ABCG1: variants seen among roughly 807,000 people sequenced by gnomAD.
ABCG1 encodes ATP-binding cassette sub-family G member 1.
Under a neutral mutation model 69.2 loss-of-function variants are expected in ABCG1, and 29 were observed. The ratio of observed to expected loss-of-function variants is 0.42; its 90% CI spans 0.31 to 0.57. The LOEUF is 0.57. ABCG1 is among the 20% of genes least tolerant of loss of function. The probability of loss-of-function intolerance (pLI) is 0.15; values close to 1 mark genes in which losing one functional copy is unlikely to be tolerated. For synonymous variants in ABCG1, 370 were observed against 374.8 expected (o/e 0.99, Z 0.15); for missense variants, 718 against 898.1 (o/e 0.80, Z 2.56).
chr21:42,203,093 G>A (rs1205817220), intron 2 of ABCG1, among the ~76,000 whole-genome samples: 2 of 151,992 alleles, frequency 1.3e-5, no homozygotes, highest in South Asian at 2.1e-4. Context: ...GTATCCACGG[G>A]CAGAAAAAAA....
chr21:42,235,552 T>G (rs143969300), intron 2 of ABCG1, among the ~76,000 whole-genome samples: 1 of 152,328 alleles, frequency 6.6e-6, no homozygotes, highest in Non-Finnish European at 1.5e-5. Context: ...GATCAATATT[T>G]AAGATGTACA....
chr21:42,285,565 A>G (rs1171659052), intron 7 of ABCG1, among the ~76,000 whole-genome samples: 1 of 152,234 alleles, frequency 6.6e-6, no homozygotes, highest in Non-Finnish European at 1.5e-5. Flanking sequence ...TCTAAGCAAA[A>G]ATAGTCACAA....
At chr21:42,230,004 CCAGAA>C (rs2067877917) in intron 2 of ABCG1, among the ~76,000 whole-genome samples, 1 of 152,174 alleles carries the variant, frequency 6.6e-6, no homozygotes, top group Non-Finnish European at 1.5e-5. Flanking sequence ...AGCATTGTGA[CCAGAA>C]TAACTTTATG....
chr21:42,291,691 C>A lies in ABCG1; in HGVS notation c.1653+35C>A. 6.4e-7 allele frequency: 1 copy of A among 1,559,886 alleles called. No individual in the cohort carries two copies. The highest frequency in any genetic ancestry group is 8.6e-7 in the Non-Finnish European group (1 of 1,158,318). ...CAGGAGGCGCTAAGTGAGGGCATGA[C>A]GGCTGGGCTTCCCTGAGCTACCTTG... On this transcript the variant is annotated intron_variant, in intron 13 of 14. Transcript: ENST00000398449. This position sits in a 1 kb window ranked among gnomAD's most constrained non-coding sequence, Gnocchi z 6.4.
At chr21:42,293,811 GCA>G (rs997038663) in intron 13 of ABCG1, among the ~76,000 whole-genome samples, 51 of 143,050 alleles carry the variant, frequency 3.6e-4, no homozygotes, top group African/African-American at 1.3e-3. Flanking sequence ...TACATGCTAT[GCA>G]CACACACCAC....
chr21:42,228,426 C>T (rs2067852009), intron 2 of ABCG1, among the ~76,000 whole-genome samples: 1 of 152,212 alleles, frequency 6.6e-6, no homozygotes, highest in African/African-American at 2.4e-5. Context: ...TGTCTTCCCT[C>T]TCCCTGCTCC....
rs539800147 is a variant in ABCG1, at chr21:42,233,089, A to G, written c.286+7175A>G. 4.1e-4 allele frequency among the ~76,000 whole-genome samples: 62 copies of G among 152,292 alleles called. No homozygotes were observed. The South Asian group carries it at 0.013, about 31-fold the overall frequency. ...CTGTTTTTGCTCACATTGTGAAAAA[A>G]CGCAAAAAGATGGGTTTTCAGTCAT... On this transcript the variant is annotated intron_variant, in intron 2 of 14. Coordinates refer to ENST00000398449, the MANE Select transcript of ABCG1 (RefSeq NM_016818.3).
intron 3 of ABCG1, 37 bp downstream of exon 3, chr21:42,271,224 G>A (rs755457802): frequency 1.5e-5 from 21 of 1,380,006 alleles, no homozygotes; most frequent in Middle Eastern, 1.8e-4. Flanking sequence ...GTTCTCTCCC[G>A]GGTGTCAGGC....
chr21:42,285,797 T>C, intron 7 of ABCG1, 83 bp from the exon 8 acceptor site: 1 of 907,176 alleles, frequency 1.1e-6, no homozygotes, highest in Non-Finnish European at 1.8e-6. Context: ...GGTTGATTGA[T>C]TGGTTGATTG....
chr21:42,225,294 C>A (rs1275851186), intron 1 of ABCG1, among the ~76,000 whole-genome samples: 1 of 152,076 alleles, frequency 6.6e-6, no homozygotes, highest in Non-Finnish European at 1.5e-5. Context: ...TTCTTAGGCA[C>A]CTGGTGTGTC....
intron 2 of ABCG1, among the ~76,000 whole-genome samples, chr21:42,259,685 C>T (rs1280676464): frequency 6.6e-6 from 1 of 152,214 alleles, no homozygotes; most frequent in Non-Finnish European, 1.5e-5. Flanking sequence ...GGCATTCGCA[C>T]GTGCATGTAA....
chr21:42,230,975 G>A lies in ABCG1; in HGVS notation c.286+5061G>A, dbSNP rs189968678. ...AGCGTAGCAAGTGCTTAGCTCTGAC[G>A]TGGGCACAGGACTGGACCACCAAGG... On this transcript the variant is annotated intron_variant, in intron 2 of 14. Transcript: ENST00000398449. Among the ~76,000 whole-genome samples, 40 of 152,354 alleles carry A rather than the reference G, an allele frequency of 2.6e-4. 1 individual carries two copies. In the East Asian group the frequency reaches 3.5e-3, roughly 13 times the overall value.
rs2069202469 is a variant in ABCG1, at chr21:42,296,063, C to A, written c.1773-101C>A. ...GCGGCCCTTTGGGAAGGGAGGATAG[C>A]CAAGCTGGGAATCGCAGGGAGGGTG... On this transcript the variant is annotated intron_variant, in intron 14 of 14. Coordinates refer to ENST00000398449, the MANE Select transcript of ABCG1 (RefSeq NM_016818.3). The surrounding 1 kb of genome is among the most constrained non-coding windows in gnomAD (Gnocchi z 5.4). 1.0e-6 allele frequency: 1 copy of A among 997,388 alleles called. No homozygotes were observed. The allele number at this position is 997,388 out of a possible 1,614,324, so 61.8% of individuals were successfully genotyped here.
chr21:42,279,120 G>A (rs225406), intron 5 of ABCG1, among the ~76,000 whole-genome samples: 18,636 of 151,882 alleles, frequency 0.12, 1,421 homozygotes, highest in African/African-American at 0.2. Context: ...TCTTTGTCTC[G>A]GATAGCCCTC....
At chr21:42,215,476 G>A (rs78158063), upstream of ABCG1, among the ~76,000 whole-genome samples, 2,710 of 152,336 alleles carry the variant, frequency 0.018, 79 homozygotes, top group African/African-American at 0.061. Flanking sequence ...GACTCCACTC[G>A]AAGTCAACTG....
At chr21:42,253,423 T>C (rs2068254732) in intron 2 of ABCG1, among the ~76,000 whole-genome samples, 1 of 152,238 alleles carries the variant, frequency 6.6e-6, no homozygotes, top group Non-Finnish European at 1.5e-5. Context: ...CATTCCATCA[T>C]GTGGGTTCTG....
rs544855398 is a variant in ABCG1 at position 42,293,791 on chromosome 21, C to T, written c.1654-751C>T. Among the ~76,000 whole-genome samples, 190 of 151,718 alleles carry T rather than the reference C, an allele frequency of 1.3e-3. 1 individual carries two copies. The highest frequency in any genetic ancestry group is 4.3e-3 in the African/African-American group (178 of 41,346). ...ATACCACACCCTACACACAAACACACACTACACACTACATGCTATGCACAC... is the reference window on the plus strand; with the variant it reads ...ATACCACACCCTACACACAAACACATACTACACACTACATGCTATGCACAC... On this transcript the variant is annotated intron_variant, in intron 13 of 14. Coordinates refer to ENST00000398449, the MANE Select transcript of ABCG1 (RefSeq NM_016818.3).
intron 2 of ABCG1, among the ~76,000 whole-genome samples, chr21:42,267,090 T>C (rs2123712059): frequency 1.3e-5 from 2 of 152,358 alleles, no homozygotes; most frequent in African/African-American, 4.8e-5. Flanking sequence ...CAGCAATTGA[T>C]AAAGACTTTA....
rs371780001 is a variant in ABCG1, at chr21:42,225,700, G to A, written c.72G>A (p.Thr24=). Residue 24 remains threonine, a synonymous_variant, in exon 2 of 15, where the codon ACG becomes ACA. Transcript: ENST00000398449. The part of the protein sequence containing the change: ...MNASSYSAEM[T]EPKSVCVSVD... ...CCAGCAGTTACTCTGCAGAGATGAC[G>A]GAGCCCAAGTCGGTGTGTGTCTCGG... 28 of 1,613,364 alleles carry A rather than the reference G, an allele frequency of 1.7e-5. No individual in the cohort carries two copies. The highest frequency in any genetic ancestry group is 1.6e-4 in the Middle Eastern group (1 of 6,084).
Sources: gnomAD v4.1 joint callset for allele counts (sites outside exome capture counted in the v4.1 genomes callset) on GRCh38, gnomAD v4.1.1 for gene constraint, Gnocchi (gnomAD v3.1) non-coding constraint, MANE v1.5 for transcripts, NCBI Gene and HGNC (gene_info 2026-07-23, HGNC 2026-07-21) for gene names.